SIDT1: variants seen among roughly 807,000 people sequenced by gnomAD.
The protein encoded by SIDT1 is SID1 transmembrane family, member 1.
Under a neutral mutation model 107.5 loss-of-function variants are expected in SIDT1, and 101 were observed. That is an observed-to-expected ratio of 0.94 (90% CI 0.80 to 1.11). The LOEUF (loss-of-function observed/expected upper bound fraction) is 1.11. Ranked by LOEUF, SIDT1 falls within the 50% of genes least tolerant of loss-of-function variation. The pLI, the probability that SIDT1 is intolerant of heterozygous loss-of-function variation, is 0.00. For synonymous variants in SIDT1, 395 were observed against 398.2 expected (o/e 0.99, Z 0.10); for missense variants, 1,076 against 1,058.2 (o/e 1.02, Z -0.23).
intron 1 of SIDT1, among the ~76,000 whole-genome samples, chr3:113,542,934 GTGTGTT>G (rs1406661477): frequency 1.4e-4 from 20 of 141,584 alleles, no homozygotes; most frequent in Admixed American, 6.9e-4. Context: ...GTGTGTGTGT[GTGTGTT>G]TGTTTGTTTG....
chr3:113,544,253 T>C (rs1201300165), intron 1 of SIDT1, among the ~76,000 whole-genome samples: 1 of 152,058 alleles, frequency 6.6e-6, no homozygotes, highest in Non-Finnish European at 1.5e-5. Flanking sequence ...TGCAGTGGCA[T>C]GATCTCGGCT....
intron 17 of SIDT1, among the ~76,000 whole-genome samples, chr3:113,610,229 A>G (rs759151136): frequency 1.1e-4 from 17 of 152,174 alleles, no homozygotes; most frequent in Non-Finnish European, 2.1e-4. Flanking sequence ...GTCTCTTTGT[A>G]TGTATGTGAG....
chr3:113,614,221 T>C (rs1161499860), intron 19 of SIDT1, among the ~76,000 whole-genome samples: 1 of 152,144 alleles, frequency 6.6e-6, no homozygotes, highest in Non-Finnish European at 1.5e-5. Flanking sequence ...TCACTCTCCT[T>C]CCTTTGTCCC....
rs145172995 is a variant in SIDT1 at position 113,533,213 on chromosome 3, C to G, written c.192C>G (p.Tyr64Ter). The G allele has an allele frequency of 6.6e-7, 1 of 1,514,262 alleles. No homozygotes were observed. Among genetic ancestry groups the G allele is most frequent in the African/African-American group, 1.4e-5 (1 of 69,234 alleles). 93.8% of individuals were successfully genotyped at this position (1,514,262 alleles called of 1,614,324 possible). ...GVVNLSTENI[Y>*]SFNYTSQPDQ... ...TGAACCTCAGCACCGAGAACATCTA[C>G]TCTTTCAACTACACCAGCCAGCCCG... The change falls in exon 1 of 25, where the codon TAC (tyrosine) becomes TAG (stop). Residue 64 changes from tyrosine (Y) to a stop codon, truncating the protein, a stop_gained. Coordinates refer to ENST00000264852, the MANE Select transcript of SIDT1 (RefSeq NM_017699.3). LOFTEE classifies it high-confidence loss of function.
intron 3 of SIDT1, among the ~76,000 whole-genome samples, chr3:113,576,262 G>GA (rs1438886982): frequency 2.0e-5 from 3 of 152,148 alleles, no homozygotes; most frequent in Middle Eastern, 3.4e-3. Flanking sequence ...CAATTGAAGA[G>GA]AAAAAAACCT....
At position 113,590,486 on chromosome 3, in the gene SIDT1, A is replaced by C. The variant is rs144306177; in HGVS notation, c.1002-2519A>C. Among the ~76,000 whole-genome samples the C allele has an allele frequency of 2.0e-5, 3 of 152,360 alleles. No homozygotes were observed. In the East Asian group the frequency reaches 5.8e-4, roughly 29 times the overall value. On this transcript the variant is annotated intron_variant, in intron 9 of 24. Coordinates refer to ENST00000264852, the MANE Select transcript of SIDT1 (RefSeq NM_017699.3). ...ATGACTTTATTGAGATACAATTCATAGACCATAAAATTCGCCCCTTTAAAG... is the reference window on the plus strand; with the variant it reads ...ATGACTTTATTGAGATACAATTCATCGACCATAAAATTCGCCCCTTTAAAG...
Position 113,567,539 on chromosome 3 carries a change from G to T in SIDT1, c.345-1G>T. 1 of 1,609,854 alleles carries T rather than the reference G, an allele frequency of 6.2e-7. No individual in the cohort carries two copies. The highest frequency in any genetic ancestry group is 8.5e-7 in the Non-Finnish European group (1 of 1,177,914). On this transcript the variant is annotated splice_acceptor_variant, in intron 2 of 24. Coordinates refer to ENST00000264852, the MANE Select transcript of SIDT1 (RefSeq NM_017699.3). LOFTEE classifies it high-confidence loss of function. ...TTTTTCCCCTATATTGGCTGCTTCAGATACCAGAGGAGCTACAACTATCAA... is the reference window on the plus strand; with the variant it reads ...TTTTTCCCCTATATTGGCTGCTTCATATACCAGAGGAGCTACAACTATCAA...
chr3:113,577,534 T>C (rs987950272), intron 4 of SIDT1, among the ~76,000 whole-genome samples: 21 of 152,244 alleles, frequency 1.4e-4, no homozygotes, highest in African/African-American at 4.8e-4. Context: ...GATATTTGTG[T>C]TGTGCTCTCC....
At chr3:113,563,288 T>G (rs1007231704) in intron 1 of SIDT1, among the ~76,000 whole-genome samples, 3 of 152,216 alleles carry the variant, frequency 2.0e-5, no homozygotes, top group African/African-American at 7.2e-5. Flanking sequence ...AAGACAAAAT[T>G]GCAATCACTC....
chr3:113,588,264 C>G (rs1943884440), intron 9 of SIDT1, among the ~76,000 whole-genome samples: 1 of 151,984 alleles, frequency 6.6e-6, no homozygotes, highest in Non-Finnish European at 1.5e-5. Flanking sequence ...CAAATATAGA[C>G]AAAGTGGAAA....
chr3:113,567,890 A>T, intron 3 of SIDT1, 180 bp downstream of exon 3: 2 of 577,066 alleles, frequency 3.5e-6, no homozygotes, highest in South Asian at 2.6e-5. Flanking sequence ...TATACAAAAG[A>T]GTGGGAGTGC....
At chr3:113,544,834 C>T (rs1012551651) in intron 1 of SIDT1, among the ~76,000 whole-genome samples, 10 of 152,032 alleles carry the variant, frequency 6.6e-5, no homozygotes, top group African/African-American at 2.4e-4. Context: ...CATTTGTGGG[C>T]CAGGTGCGGC....
chr3:113,575,947 C>T lies in SIDT1; in HGVS notation c.516-975C>T, dbSNP rs187782776. Among the ~76,000 whole-genome samples, 110 of 152,328 alleles carry T rather than the reference C, an allele frequency of 7.2e-4. 2 individuals are homozygous for T. Among genetic ancestry groups the T allele is most frequent in the Admixed American group, 6.7e-3 (102 of 15,304 alleles). On this transcript the variant is annotated intron_variant, in intron 3 of 24. Transcript: ENST00000264852. ...CAGGGGCACGCACTCCCAGGTGCAG[C>T]GTTTCAGCAGCCTGGGGATCTGAGA...
At chr3:113,584,312 A>G (rs1344654294) in intron 7 of SIDT1, among the ~76,000 whole-genome samples, 1 of 152,214 alleles carries the variant, frequency 6.6e-6, no homozygotes, top group Non-Finnish European at 1.5e-5. Flanking sequence ...AAAAATTTGC[A>G]CTGGCTAGAA....
At chr3:113,549,464 A>G (rs1423341835) in intron 1 of SIDT1, among the ~76,000 whole-genome samples, 1 of 152,182 alleles carries the variant, frequency 6.6e-6, no homozygotes, top group Non-Finnish European at 1.5e-5. Context: ...ATAAGTGTAT[A>G]GTGGCATCTG....
chr3:113,634,861 A>G, the SIDT1 span, among the ~76,000 whole-genome samples: 3 of 152,206 alleles, frequency 2.0e-5, no homozygotes, highest in Non-Finnish European at 4.4e-5. Flanking sequence ...CGGAAGACAT[A>G]TGCCTGATAT....
At chr3:113,596,772 G>T (rs578252663) in intron 10 of SIDT1, among the ~76,000 whole-genome samples, 2 of 152,286 alleles carry the variant, frequency 1.3e-5, no homozygotes, top group South Asian at 4.1e-4. Context: ...CTCCCCAACA[G>T]GCCTCTGGGA....
intron 10 of SIDT1, among the ~76,000 whole-genome samples, chr3:113,599,952 T>C (rs1215808853): frequency 6.6e-6 from 1 of 152,204 alleles, no homozygotes; most frequent in Non-Finnish European, 1.5e-5. Context: ...GCTATAGCAA[T>C]CATTTCACTA....
rs1945059357 is a variant in SIDT1, at chr3:113,602,912, T to C, written c.1118-93T>C. ...TCATTTGGATCAACACAGCATTTCC[T>C]AGAATGAGTCTGCACTGTGCTTTTT... is the stretch of plus-strand genomic sequence containing the variant. On this transcript the variant is annotated intron_variant, in intron 11 of 24. Transcript: ENST00000264852. 4.5e-6 allele frequency: 6 copies of C among 1,342,980 alleles called. No individual in the cohort carries two copies. In the South Asian group the frequency reaches 8.7e-5, roughly 20 times the overall value. 83.2% of individuals were successfully genotyped at this position (1,342,980 alleles called of 1,614,324 possible). A position where few individuals can be genotyped will look rare whatever the true frequency, so the allele number is the denominator to read the frequency against.
Sources: allele counts gnomAD v4.1 joint callset (sites outside exome capture counted in the v4.1 genomes callset), GRCh38; gene constraint gnomAD v4.1.1; transcripts MANE v1.5; gene names NCBI Gene and HGNC (gene_info 2026-07-23, HGNC 2026-07-21).